Variants in BARX2 observed in about 807,000 individuals in gnomAD.
The protein encoded by BARX2 is BARX homeobox 2, also known as homeobox protein BarH-like 2.
BARX2 carries 11 observed loss-of-function variants against 25.5 expected under a neutral mutation model. The observed-to-expected ratio is 0.43, with a 90% CI of 0.27 to 0.71. The LOEUF is 0.71. Among genes scored for constraint, BARX2 ranks in the 30% least tolerant of loss-of-function variants. The probability of loss-of-function intolerance (pLI) is 0.19; values close to 1 mark genes in which losing one functional copy is unlikely to be tolerated. For missense variants in BARX2, 360 were observed against 359.9 expected (o/e 1.00, Z 0.00); for synonymous variants, 137 against 149.5 (o/e 0.92, Z 0.61).
rs1862189370 is a variant in BARX2, at chr11:129,436,409, T to C, written c.188-342T>C. 3.4e-6 allele frequency: 1 copy of C among 294,846 alleles called. No individual in the cohort carries two copies. Among genetic ancestry groups the C allele is most frequent in the Middle Eastern group, 9.1e-4 (1 of 1,100 alleles). The allele number at this position is 294,846 out of a possible 1,614,324, so 18.3% of individuals were successfully genotyped here. A position where few individuals can be genotyped will look rare whatever the true frequency, so the allele number is the denominator to read the frequency against. On this transcript the variant is annotated intron_variant, in intron 1 of 3. Coordinates refer to ENST00000281437, the MANE Select transcript of BARX2 (RefSeq NM_003658.5). The surrounding 1 kb of genome is among the most constrained non-coding windows in gnomAD (Gnocchi z 4.5). ...TTCGGGTTTCTGAAATATGTGTCTC[T>C]AGCTTTTCCTGACTACTTCTTTTCA...
chr11:129,421,333 A>G (rs890341374), intron 1 of BARX2, among the ~76,000 whole-genome samples: 2 of 152,218 alleles, frequency 1.3e-5, no homozygotes, highest in African/African-American at 4.8e-5. Flanking sequence ...AGCTTAAATA[A>G]AAGAGAAAGG....
chr11:129,395,561 C>T (rs967312078), intron 1 of BARX2, among the ~76,000 whole-genome samples: 7 of 152,132 alleles, frequency 4.6e-5, no homozygotes, highest in East Asian at 1.9e-4. Context: ...AAATCTCCTC[C>T]GGCCCTCCCG....
chr11:129,429,879 A>G (rs1862110025), intron 1 of BARX2, among the ~76,000 whole-genome samples: 1 of 152,200 alleles, frequency 6.6e-6, no homozygotes, highest in South Asian at 2.1e-4. Context: ...TATACTCCCT[A>G]AAATATTTTC....
At chr11:129,387,966 G>A (rs1591427697) in intron 1 of BARX2, among the ~76,000 whole-genome samples, 2 of 152,232 alleles carry the variant, frequency 1.3e-5, no homozygotes, top group Non-Finnish European at 1.5e-5. Context: ...GGGGTCACAC[G>A]AATAAGTGGC....
At chr11:129,399,875 G>A (rs1861758866) in intron 1 of BARX2, among the ~76,000 whole-genome samples, 1 of 152,154 alleles carries the variant, frequency 6.6e-6, no homozygotes, top group African/African-American at 2.4e-5. Flanking sequence ...CACACTAGTG[G>A]TCATGTCTTA....
chr11:129,445,843 T>C (rs771225801), intron 3 of BARX2, among the ~76,000 whole-genome samples: 15 of 152,164 alleles, frequency 9.9e-5, no homozygotes, highest in Non-Finnish European at 2.1e-4. Context: ...GTTGTGATCC[T>C]GATTGCTTCA....
intron 1 of BARX2, among the ~76,000 whole-genome samples, chr11:129,411,829 G>T (rs1400210911): frequency 6.6e-6 from 1 of 152,250 alleles, no homozygotes; most frequent in Non-Finnish European, 1.5e-5. Flanking sequence ...CTTTTGAATT[G>T]CAGCTGGGAT....
intron 1 of BARX2, among the ~76,000 whole-genome samples, chr11:129,420,754 C>T (rs1056056592): frequency 6.6e-6 from 1 of 152,192 alleles, no homozygotes; most frequent in African/African-American, 2.4e-5. Context: ...GTTCTTTGCA[C>T]ACGTATTCAA....
At chr11:129,399,588 G>A (rs1230520287) in intron 1 of BARX2, among the ~76,000 whole-genome samples, 1 of 152,150 alleles carries the variant, frequency 6.6e-6, no homozygotes, top group Non-Finnish European at 1.5e-5. Context: ...GTGAGCTGGT[G>A]GTGTTAGATA....
Position 129,376,214 on chromosome 11 carries a change from C to A in BARX2, c.179C>A (p.Ser60Tyr). The stretch of plus-strand genomic sequence containing the variant: ...GTCGTGCGACCCAAGCCCCTGCATT[C>A]CTGTACGGGTAAGACGCTCCGCTAG... The part of the protein sequence containing the change: ...SLVVRPKPLH[S>Y]CTGSPSLRAY... Residue 60 changes from serine (S) to tyrosine (Y), a missense_variant, in exon 1 of 4, where the codon TCC (serine) becomes TAC (tyrosine). Physicochemically the swap from Ser to Tyr is moderately radical, Grantham distance 144. Coordinates refer to ENST00000281437, the MANE Select transcript of BARX2 (RefSeq NM_003658.5). This position sits in a 1 kb window ranked among gnomAD's most constrained non-coding sequence, Gnocchi z 4.2. The A allele has an allele frequency of 6.2e-7, 1 of 1,603,872 alleles. No homozygotes were observed. The highest frequency in any genetic ancestry group is 1.1e-5 in the South Asian group (1 of 89,978).
intron 1 of BARX2, among the ~76,000 whole-genome samples, chr11:129,378,563 C>CTTT (rs56804728): frequency 9.9e-5 from 11 of 111,178 alleles, no homozygotes; most frequent in Non-Finnish European, 1.2e-4. Flanking sequence ...TTTTCTTTTT[C>CTTT]TTTTTTTTTT....
At chr11:129,378,843 TAAA>T (rs36045160) in intron 1 of BARX2, among the ~76,000 whole-genome samples, 1 of 140,400 alleles carries the variant, frequency 7.1e-6, no homozygotes, top group African/African-American at 2.6e-5. Context: ...ACTACAGCAT[TAAA>T]AAAAAAAAAA....
intron 2 of BARX2, among the ~76,000 whole-genome samples, chr11:129,440,413 G>C (rs1862242863): frequency 6.6e-6 from 1 of 152,238 alleles, no homozygotes; most frequent in Non-Finnish European, 1.5e-5. Flanking sequence ...GAACCATGGA[G>C]GACCCGTCTC....
chr11:129,410,014 C>T (rs1012537765), intron 1 of BARX2, among the ~76,000 whole-genome samples: 5 of 152,108 alleles, frequency 3.3e-5, no homozygotes, highest in African/African-American at 1.2e-4. Flanking sequence ...CTTATATGGG[C>T]CTTAATAGCC....
intron 1 of BARX2, among the ~76,000 whole-genome samples, chr11:129,417,277 A>G (rs1861955429): frequency 6.6e-6 from 1 of 152,166 alleles, no homozygotes; most frequent in South Asian, 2.1e-4. Context: ...TTGTGGGATA[A>G]TAAAATGGAC....
intron 1 of BARX2, among the ~76,000 whole-genome samples, chr11:129,396,088 C>T (rs764802662): frequency 3.9e-5 from 6 of 152,122 alleles, no homozygotes; most frequent in East Asian, 3.9e-4. Flanking sequence ...CCGGTAGCAC[C>T]GGCTTATTTA....
chr11:129,450,678 TTC>T (rs967332437), intron 3 of BARX2, among the ~76,000 whole-genome samples: 62 of 152,312 alleles, frequency 4.1e-4, no homozygotes, highest in African/African-American at 1.4e-3. Flanking sequence ...CCTAAGGACT[TTC>T]TGTGTCAAAA....
intron 1 of BARX2, among the ~76,000 whole-genome samples, chr11:129,408,169 C>T (rs1861852227): frequency 6.6e-6 from 1 of 151,294 alleles, no homozygotes. Context: ...AGGACTAGAA[C>T]AATACATTTG....
intron 1 of BARX2, among the ~76,000 whole-genome samples, chr11:129,397,043 G>T (rs537729983): frequency 3.9e-5 from 6 of 152,110 alleles, no homozygotes; most frequent in Non-Finnish European, 8.8e-5. Context: ...CCAACACTTT[G>T]GGAGGCTGAA....
Sources: gnomAD v4.1 joint callset for allele counts (sites outside exome capture counted in the v4.1 genomes callset) on GRCh38, gnomAD v4.1.1 for gene constraint, Gnocchi (gnomAD v3.1) non-coding constraint, MANE v1.5 for transcripts, NCBI Gene and HGNC (gene_info 2026-07-23, HGNC 2026-07-21) for gene names.